Variants in LRRC7 observed in about 807,000 individuals in gnomAD.
LRRC7 encodes the protein leucine rich repeat containing 7.
In LRRC7, 23 loss-of-function variants were observed where a neutral mutation model predicts 175.7. That is an observed-to-expected ratio of 0.13 (90% CI 0.09 to 0.19). The LOEUF (loss-of-function observed/expected upper bound fraction) is 0.19. LRRC7 is among the 10% of genes least tolerant of loss of function. LRRC7 has a pLI of 1.00. For missense variants in LRRC7, 1,354 were observed against 1,904.7 expected, an observed-to-expected ratio of 0.71 and a Z score of 5.38; for synonymous variants, 685 against 680.9, an observed-to-expected ratio of 1.01 and a Z score of -0.09.
chr1:70,001,047 A>G (rs1005916053), intron 11 of LRRC7, among the ~76,000 whole-genome samples: 1 of 152,012 alleles, frequency 6.6e-6, no homozygotes, highest in Non-Finnish European at 1.5e-5. Flanking sequence ...TCATCTCATT[A>G]TTTTATTCTG....
chr1:69,772,910 A>G (rs1028191789), intron 3 of LRRC7, among the ~76,000 whole-genome samples: 8 of 152,196 alleles, frequency 5.3e-5, no homozygotes, highest in Admixed American at 2.6e-4. Flanking sequence ...GTATAAACTG[A>G]GAGATTGGCT....
intron 9 of LRRC7, among the ~76,000 whole-genome samples, chr1:69,982,576 G>A (rs1653545746): frequency 6.6e-6 from 1 of 151,982 alleles, no homozygotes; most frequent in Admixed American, 6.6e-5. Flanking sequence ...GAATAGTCTG[G>A]GCTATTATTT....
chr1:69,851,816 G>A (rs1003631511), intron 7 of LRRC7, among the ~76,000 whole-genome samples: 1 of 152,112 alleles, frequency 6.6e-6, no homozygotes, highest in Admixed American at 6.6e-5. Context: ...AGAAAAGTTA[G>A]GCAATCTTCT....
intron 7 of LRRC7, among the ~76,000 whole-genome samples, chr1:69,846,403 T>C (rs1284163213): frequency 2.0e-5 from 3 of 152,078 alleles, no homozygotes; most frequent in Non-Finnish European, 4.4e-5. Context: ...TTCAGACTAC[T>C]TCAAACAATA....
intron 2 of LRRC7, among the ~76,000 whole-genome samples, chr1:69,715,162 C>A (rs925199675): frequency 2.0e-5 from 3 of 152,028 alleles, no homozygotes; most frequent in Non-Finnish European, 4.4e-5. Context: ...TTTAATAGAA[C>A]CATTGCACTA....
At chr1:69,740,618 G>A (rs1014498048) in intron 2 of LRRC7, among the ~76,000 whole-genome samples, 1 of 152,068 alleles carries the variant, frequency 6.6e-6, no homozygotes, top group Admixed American at 6.6e-5. Context: ...AAACAACTGG[G>A]TTGATTACAG....
intron 1 of LRRC7, among the ~76,000 whole-genome samples, chr1:69,602,607 G>C (rs1275710493): frequency 6.6e-6 from 1 of 152,076 alleles, no homozygotes; most frequent in African/African-American, 2.4e-5. Flanking sequence ...AAACTGGGTA[G>C]CTAAAACCAA....
In LRRC7 at chr1:70,137,951, G is replaced by C. The variant is rs1001750391; in HGVS notation, c.*16064G>C. The stretch of plus-strand genomic sequence containing the variant: ...CAACAAAATCCCAGAGTTTTTGCTT[G>C]CTCTTTGAGGTTAAAATCAAAGATT... On this transcript the variant is annotated 3_prime_UTR_variant, in exon 27 of 27. Coordinates refer to ENST00000651989, the MANE Select transcript of LRRC7 (RefSeq NM_001370785.2). Among the ~76,000 whole-genome samples the C allele has an allele frequency of 1.3e-5, 2 of 152,138 alleles. No individual in the cohort carries two copies. Among genetic ancestry groups the C allele is most frequent in the Non-Finnish European group, 1.5e-5 (1 of 68,014 alleles).
intron 7 of LRRC7, among the ~76,000 whole-genome samples, chr1:69,918,750 G>A (rs1646793833): frequency 6.6e-6 from 1 of 152,138 alleles, no homozygotes; most frequent in Non-Finnish European, 1.5e-5. Context: ...AAACTATAGT[G>A]ATGATAATTA....
At position 70,142,710 on chromosome 1, in the gene LRRC7, T is replaced by C. The variant is rs1401010278; in HGVS notation, c.*20823T>C. 6.6e-6 allele frequency: 1 copy of C among 152,086 alleles called. No homozygotes were observed. The highest frequency in any genetic ancestry group is 2.4e-5 in the African/African-American group (1 of 41,420). The allele number at this position is 152,086 out of a possible 1,614,324, so 9.4% of individuals were successfully genotyped here. On this transcript the variant is annotated 3_prime_UTR_variant, in exon 27 of 27. Coordinates refer to ENST00000651989, the MANE Select transcript of LRRC7 (RefSeq NM_001370785.2). ...AAAGTAATAATACAGTTTTATTTTT[T>C]CCACTTTATAACTGCCCAAGGGCTC... is the stretch of plus-strand genomic sequence containing the variant.
At chr1:69,938,741 T>C (rs1648309843) in intron 8 of LRRC7, among the ~76,000 whole-genome samples, 2 of 151,962 alleles carry the variant, frequency 1.3e-5, no homozygotes, top group Non-Finnish European at 2.9e-5. Flanking sequence ...CTAAAATGCA[T>C]GTATACCTGA....
intron 8 of LRRC7, among the ~76,000 whole-genome samples, chr1:69,937,771 ATTTTATTAATTAT>A (rs1648199238): frequency 6.6e-6 from 1 of 151,984 alleles, no homozygotes; most frequent in Non-Finnish European, 1.5e-5. Context: ...TCACTAGCTA[ATTTTATTAATTAT>A]TTTATATTTT....
chr1:69,781,873 G>GAAGA (rs1194354554), intron 3 of LRRC7, among the ~76,000 whole-genome samples: 4 of 129,022 alleles, frequency 3.1e-5, no homozygotes, highest in East Asian at 2.4e-4. Context: ...AGGAAGGAAG[G>GAAGA]AAGAAAGAAA....
intron 4 of LRRC7, among the ~76,000 whole-genome samples, chr1:69,819,892 A>G (rs1458171946): frequency 6.6e-6 from 1 of 152,108 alleles, no homozygotes; most frequent in Non-Finnish European, 1.5e-5. Flanking sequence ...TTATATTTGC[A>G]TGAAATATTA....
chr1:69,691,566 G>C (rs1222370052), intron 2 of LRRC7, among the ~76,000 whole-genome samples: 1 of 152,156 alleles, frequency 6.6e-6, no homozygotes. Context: ...GGGAGGCTAA[G>C]CCAGGTGGAT....
chr1:69,691,327 T>A (rs1661827116), intron 2 of LRRC7, among the ~76,000 whole-genome samples: 1 of 152,182 alleles, frequency 6.6e-6, no homozygotes, highest in Admixed American at 6.5e-5. Flanking sequence ...AGCACTCATC[T>A]AATTGTGTTT....
intron 18 of LRRC7, among the ~76,000 whole-genome samples, chr1:70,034,777 CT>C (rs1361595117): frequency 1.3e-5 from 2 of 152,186 alleles, no homozygotes; most frequent in African/African-American, 4.8e-5. Context: ...TGATCTTTCC[CT>C]TTTCTTTTAT....
At chr1:69,685,915 A>G (rs61783980) in intron 2 of LRRC7, among the ~76,000 whole-genome samples, 11,373 of 151,864 alleles carry the variant, frequency 0.075, 576 homozygotes, top group African/African-American at 0.14. Flanking sequence ...AAAAAAATCC[A>G]CAACAGGACA....
chr1:70,071,079 GT>G lies in LRRC7; in HGVS notation c.4231-4990del, dbSNP rs147589621. Among the ~76,000 whole-genome samples, 376 of 152,096 alleles carry G rather than the reference GT, an allele frequency of 2.5e-3. 1 individual carries two copies. The highest frequency in any genetic ancestry group is 4.8e-3 in the South Asian group (23 of 4,806). On this transcript the variant is annotated intron_variant, in intron 23 of 26. Transcript: ENST00000651989. ...TGGCATTGTTTGGGGTGGGGCTACA[GT>G]TTTTTTTATGGTATTCAGCTGTAGT...
Sources: gnomAD v4.1 joint callset for allele counts (sites outside exome capture counted in the v4.1 genomes callset) on GRCh38, gnomAD v4.1.1 for gene constraint, MANE v1.5 for transcripts, NCBI Gene and HGNC (gene_info 2026-07-23, HGNC 2026-07-21) for gene names.